The following KLHL1 variants were observed in gnomAD, a reference collection of about 807,000 sequenced individuals.
KLHL1 encodes the protein kelch like family member 1.
In KLHL1, 47 loss-of-function variants were observed where a neutral mutation model predicts 77.7. That is an observed-to-expected ratio of 0.60 (90% confidence interval 0.48 to 0.77). The LOEUF (loss-of-function observed/expected upper bound fraction) is 0.77, where lower values mean the gene tolerates loss of function less well. Among genes scored for constraint, KLHL1 ranks in the 30% least tolerant of loss-of-function variants. The probability of loss-of-function intolerance (pLI) is 0.00; values close to 1 mark genes in which losing one functional copy is unlikely to be tolerated. For synonymous variants in KLHL1, 360 were observed against 325.2 expected, an observed-to-expected ratio of 1.11 and a Z score of -1.15; for missense variants, 925 against 910.8, an observed-to-expected ratio of 1.02 and a Z score of -0.20.
chr13:69,780,698 ATATGTATATATATATATG>A (rs1340848053), intron 7 of KLHL1, among the ~76,000 whole-genome samples: 1,628 of 21,768 alleles, frequency 0.075, 91 homozygotes, highest in East Asian at 0.14. Context: ...ATATATATAT[ATATGTATATATATATATG>A]TATATATATA....
rs1324246935 is a variant in KLHL1 at position 70,084,461 on chromosome 13, C to CT, written c.497+22741dup. On this transcript the variant is annotated intron_variant, in intron 1 of 10. Transcript: ENST00000377844. ...GATATTTTCTAGTCTATTTCTTCTT[C>CT]TTCTTTTTTTTTTTTTGAGACGGAG... Among the ~76,000 whole-genome samples the CT allele has an allele frequency of 6.1e-5, 7 of 115,104 alleles. 1 individual carries two copies. The East Asian group carries it at 1.2e-3, about 20-fold the overall frequency. 75.5% of individuals were successfully genotyped at this position (115,104 alleles called of 152,430 possible). A position where few individuals can be genotyped will look rare whatever the true frequency, so the allele number is the denominator to read the frequency against.
chr13:69,952,075 G>A lies in KLHL1; in HGVS notation c.817+9233C>T, dbSNP rs115490782. ...CTTAAGTTAAATAAATGTAAGCAAG[G>A]GGGTTTGATTACAAGGTTCTAAATA... On this transcript the variant is annotated intron_variant, in intron 3 of 10. Coordinates refer to ENST00000377844, the MANE Select transcript of KLHL1 (RefSeq NM_020866.3). 3.8e-3 allele frequency among the ~76,000 whole-genome samples: 575 copies of A among 151,454 alleles called. 3 individuals are homozygous for A. The highest frequency in any genetic ancestry group is 0.013 in the African/African-American group (530 of 41,452).
At chr13:69,770,626 A>C (rs1875518473) in intron 7 of KLHL1, among the ~76,000 whole-genome samples, 1 of 152,358 alleles carries the variant, frequency 6.6e-6, no homozygotes, top group South Asian at 2.1e-4. Context: ...GGTGTGAGCC[A>C]CTGTCCTAAG....
At chr13:70,001,572 G>C (rs1304858831) in intron 1 of KLHL1, among the ~76,000 whole-genome samples, 1 of 124,256 alleles carries the variant, frequency 8.0e-6, no homozygotes, top group East Asian at 2.8e-4. Flanking sequence ...ATCTATCTAT[G>C]ATCTATGTGT....
At chr13:69,875,011 T>G (rs1469444443) in intron 5 of KLHL1, among the ~76,000 whole-genome samples, 1 of 152,228 alleles carries the variant, frequency 6.6e-6, no homozygotes, top group East Asian at 1.9e-4. Flanking sequence ...AGTATAAAAT[T>G]AAATGATATT....
At chr13:69,961,638 C>A (rs1245408597) in intron 2 of KLHL1, among the ~76,000 whole-genome samples, 194 bp from the exon 3 acceptor site, 1 of 152,048 alleles carries the variant, frequency 6.6e-6, no homozygotes, top group Non-Finnish European at 1.5e-5. Flanking sequence ...ATAGAGCATT[C>A]TCATACATTT....
At chr13:69,998,945 G>A (rs572971343) in intron 1 of KLHL1, among the ~76,000 whole-genome samples, 7 of 152,012 alleles carry the variant, frequency 4.6e-5, no homozygotes, top group South Asian at 2.1e-4. Flanking sequence ...CCCACATGAC[G>A]TCTCCAGGTC....
intron 8 of KLHL1, among the ~76,000 whole-genome samples, chr13:69,734,082 G>C (rs1230061432): frequency 1.3e-5 from 2 of 152,096 alleles, no homozygotes; most frequent in Non-Finnish European, 2.9e-5. Context: ...GGTGGGGCCT[G>C]GTGGGGGTAA....
intron 2 of KLHL1, among the ~76,000 whole-genome samples, chr13:69,967,682 C>G (rs1018947852): frequency 6.6e-6 from 1 of 152,006 alleles, no homozygotes; most frequent in African/African-American, 2.4e-5. Flanking sequence ...GCCAGGAGTT[C>G]AAGATCAGCC....
At chr13:69,744,341 G>A (rs889418693) in intron 7 of KLHL1, among the ~76,000 whole-genome samples, 7 of 151,998 alleles carry the variant, frequency 4.6e-5, no homozygotes, top group African/African-American at 1.2e-4. Flanking sequence ...GCATATTTCC[G>A]TAGGATTTGA....
intron 6 of KLHL1, among the ~76,000 whole-genome samples, chr13:69,823,472 A>G (rs1878421081): frequency 6.6e-6 from 1 of 152,006 alleles, no homozygotes; most frequent in African/African-American, 2.4e-5. Flanking sequence ...AAAATTATTT[A>G]TTTTAAAAAT....
intron 3 of KLHL1, among the ~76,000 whole-genome samples, chr13:69,945,112 G>T (rs1883481644): frequency 6.8e-6 from 1 of 147,574 alleles, no homozygotes; most frequent in Non-Finnish European, 1.5e-5. Flanking sequence ...CAGCCTCCCA[G>T]GTAGCTGGGA....
At chr13:69,977,474 G>T (rs1339134393) in intron 1 of KLHL1, among the ~76,000 whole-genome samples, 1 of 151,876 alleles carries the variant, frequency 6.6e-6, no homozygotes, top group Non-Finnish European at 1.5e-5. Context: ...AAGTTACTGA[G>T]ATAAAAATAT....
At chr13:69,888,821 T>G (rs1317191320) in intron 4 of KLHL1, among the ~76,000 whole-genome samples, 1 of 152,010 alleles carries the variant, frequency 6.6e-6, no homozygotes, top group African/African-American at 2.4e-5. Context: ...AATTATAATT[T>G]TAAAAAAACT....
chr13:69,780,697 T>TAC (rs1262158805), intron 7 of KLHL1, among the ~76,000 whole-genome samples: 13 of 16,504 alleles, frequency 7.9e-4, no homozygotes, highest in African/African-American at 5.5e-3. Context: ...TATATATATA[T>TAC]ATATGTATAT....
intron 4 of KLHL1, among the ~76,000 whole-genome samples, chr13:69,917,951 T>G (rs1275607995): frequency 1.3e-5 from 2 of 152,134 alleles, no homozygotes; most frequent in Non-Finnish European, 2.9e-5. Flanking sequence ...TCTACATATC[T>G]GTATTCATAC....
chr13:69,788,351 G>A (rs1293032216), intron 7 of KLHL1, among the ~76,000 whole-genome samples: 5 of 152,254 alleles, frequency 3.3e-5, no homozygotes, highest in African/African-American at 7.2e-5. Flanking sequence ...AAGAGTTCAC[G>A]TCCTTTGTAG....
In KLHL1 at chr13:70,014,975, C is replaced by T. The variant is rs1190859257; in HGVS notation, c.498-39173G>A. ...GTGGTTTATTAAAAATTAAGCAAAACAAAACATTAAGCAAACATGCAAAAA... is the reference window on the plus strand; with the variant it reads ...GTGGTTTATTAAAAATTAAGCAAAATAAAACATTAAGCAAACATGCAAAAA... On this transcript the variant is annotated intron_variant, in intron 1 of 10. Transcript: ENST00000377844. 4.2e-5 allele frequency among the ~76,000 whole-genome samples: 6 copies of T among 144,352 alleles called. No individual in the cohort carries two copies. The East Asian group carries it at 1.2e-3, about 28-fold the overall frequency. The allele number at this position is 144,352 out of a possible 152,430, so 94.7% of individuals were successfully genotyped here. A position where few individuals can be genotyped will look rare whatever the true frequency, so the allele number is the denominator to read the frequency against.
At chr13:69,987,265 C>A (rs60685343) in intron 1 of KLHL1, among the ~76,000 whole-genome samples, 21,925 of 151,848 alleles carry the variant, frequency 0.14, 3,230 homozygotes, top group African/African-American at 0.38. Flanking sequence ...TAGTTACTTT[C>A]TTTTTAAAAC....
Sources: gnomAD v4.1 joint callset for allele counts (sites outside exome capture counted in the v4.1 genomes callset) on GRCh38, gnomAD v4.1.1 for gene constraint, MANE v1.5 for transcripts, NCBI Gene and HGNC (gene_info 2026-07-23, HGNC 2026-07-21) for gene names.